The following ZFYVE9 variants were observed in gnomAD, a reference collection of about 807,000 sequenced individuals.
The protein encoded by ZFYVE9 is zinc finger FYVE-type containing 9.
A neutral mutation model predicts 126.7 loss-of-function variants in ZFYVE9; 43 were observed. The observed-to-expected ratio is 0.34, with a 90% CI of 0.27 to 0.44. The LOEUF (loss-of-function observed/expected upper bound fraction) is 0.44. Among genes scored for constraint, ZFYVE9 ranks in the 20% least tolerant of loss-of-function variants. The pLI, the probability that ZFYVE9 is intolerant of heterozygous loss-of-function variation, is 1.00. For synonymous variants in ZFYVE9, 521 were observed against 597.4 expected (o/e 0.87, Z 1.87); for missense variants, 1,476 against 1,697.0 (o/e 0.87, Z 2.29).
At chr1:52,311,799 A>ATT (rs562421659) in intron 13 of ZFYVE9, among the ~76,000 whole-genome samples, 1 of 147,480 alleles carries the variant, frequency 6.8e-6, no homozygotes, top group Non-Finnish European at 1.5e-5. Flanking sequence ...TTATTTATTT[A>ATT]TTTTTTTTTT....
chr1:52,344,631 A>G lies in ZFYVE9; in HGVS notation c.3940-137A>G, dbSNP rs112568845. 9.1e-3 allele frequency: 7,683 copies of G among 848,258 alleles called. 44 individuals carry two copies. The highest frequency in any genetic ancestry group is 0.012 in the Non-Finnish European group (6,899 of 563,282). 52.5% of individuals were successfully genotyped at this position (848,258 alleles called of 1,614,324 possible). ...ACAAATGCCCAACTTTTCCTGGACCAGGGACTTTATGGTGTCCTGTTCCTG... is the reference window on the plus strand; with the variant it reads ...ACAAATGCCCAACTTTTCCTGGACCGGGGACTTTATGGTGTCCTGTTCCTG... On this transcript the variant is annotated intron_variant, in intron 17 of 18. Coordinates refer to ENST00000287727, the MANE Select transcript of ZFYVE9 (RefSeq NM_004799.4).
chr1:52,268,047 A>T (rs1645651000), intron 6 of ZFYVE9, among the ~76,000 whole-genome samples: 4 of 152,192 alleles, frequency 2.6e-5, no homozygotes, highest in Admixed American at 2.0e-4. Context: ...ACTTTACCAG[A>T]TGTTTAATTT....
At chr1:52,165,459 T>C (rs1218456249) in intron 1 of ZFYVE9, among the ~76,000 whole-genome samples, 1 of 152,168 alleles carries the variant, frequency 6.6e-6, no homozygotes, top group Non-Finnish European at 1.5e-5. Context: ...GAGTTTTGTG[T>C]GTATACATGC....
intron 2 of ZFYVE9, among the ~76,000 whole-genome samples, chr1:52,231,422 G>A (rs976898926): frequency 1.3e-5 from 2 of 151,888 alleles, no homozygotes; most frequent in African/African-American, 2.4e-5. Flanking sequence ...GGAGGGTGAG[G>A]CAGGAGAATC....
chr1:52,324,253 AC>A (rs1646269469), intron 13 of ZFYVE9, among the ~76,000 whole-genome samples: 2 of 2,072 alleles, frequency 9.7e-4, no homozygotes, highest in Non-Finnish European at 8.5e-3. Context: ...TGTCTCAAAA[AC>A]ACACACACAC....
chr1:52,192,082 A>G (rs1184690430), intron 1 of ZFYVE9, among the ~76,000 whole-genome samples: 3 of 152,100 alleles, frequency 2.0e-5, no homozygotes, highest in African/African-American at 7.2e-5. Flanking sequence ...TTTAAGAGGA[A>G]GATACCCAAA....
At chr1:52,266,925 C>A in intron 6 of ZFYVE9, 94 bp downstream of exon 6, 1 of 1,219,756 alleles carries the variant, frequency 8.2e-7, no homozygotes, top group Non-Finnish European at 1.1e-6. Flanking sequence ...TTAAAAAACA[C>A]TGCAGATAAG....
chr1:52,194,348 T>C (rs1005629582), intron 1 of ZFYVE9, among the ~76,000 whole-genome samples: 1 of 152,082 alleles, frequency 6.6e-6, no homozygotes, highest in African/African-American at 2.4e-5. Context: ...ATTGGTGAAT[T>C]TGACTACATA....
At chr1:52,167,324 C>T (rs759274757) in intron 1 of ZFYVE9, among the ~76,000 whole-genome samples, 1 of 152,142 alleles carries the variant, frequency 6.6e-6, no homozygotes, top group African/African-American at 2.4e-5. Flanking sequence ...AAGAAAAATA[C>T]ATTTTAAGCT....
intron 1 of ZFYVE9, among the ~76,000 whole-genome samples, chr1:52,181,010 A>T (rs141589377): frequency 3.2e-3 from 485 of 149,848 alleles, no homozygotes; most frequent in Non-Finnish European, 5.7e-3. Context: ...AGAAATAATC[A>T]TTGCTGGAAA....
intron 13 of ZFYVE9, among the ~76,000 whole-genome samples, chr1:52,327,830 C>G (rs898524137): frequency 6.6e-6 from 1 of 150,914 alleles, no homozygotes; most frequent in South Asian, 2.1e-4. Context: ...AAAGAATTAG[C>G]CCGGGTGGTG....
At chr1:52,201,761 A>T (rs2983719) in intron 1 of ZFYVE9, among the ~76,000 whole-genome samples, 6,376 of 147,242 alleles carry the variant, frequency 0.043, 416 homozygotes, top group African/African-American at 0.13. Flanking sequence ...AGCAATTTTT[A>T]AAAAAAAAAT....
At chr1:52,175,627 C>T (rs1345792764) in intron 1 of ZFYVE9, among the ~76,000 whole-genome samples, 2 of 152,048 alleles carry the variant, frequency 1.3e-5, no homozygotes, top group African/African-American at 4.8e-5. Flanking sequence ...TTCTCCCCGT[C>T]ACTTTCAGGT....
intron 1 of ZFYVE9, among the ~76,000 whole-genome samples, chr1:52,174,754 T>C (rs921231690): frequency 2.0e-5 from 3 of 152,176 alleles, no homozygotes; most frequent in Non-Finnish European, 2.9e-5. Flanking sequence ...TTTACCATTA[T>C]GTAATGGCCT....
chr1:52,288,925 CAA>C (rs775138803), intron 10 of ZFYVE9, among the ~76,000 whole-genome samples: 6 of 62,034 alleles, frequency 9.7e-5, no homozygotes, highest in South Asian at 6.0e-4. Flanking sequence ...GACTCTGTCT[CAA>C]AAAAAAAAAA....
intron 1 of ZFYVE9, among the ~76,000 whole-genome samples, chr1:52,195,850 T>C (rs1056519662): frequency 1.4e-4 from 22 of 151,832 alleles, no homozygotes; most frequent in Non-Finnish European, 3.1e-4. Flanking sequence ...TGGAGTGCAG[T>C]GGCCCGATCT....
chr1:52,247,973 TAGTC>T (rs1464673631), intron 4 of ZFYVE9, among the ~76,000 whole-genome samples: 8 of 152,204 alleles, frequency 5.3e-5, no homozygotes, highest in Non-Finnish European at 1.0e-4. Context: ...TAGCATGTAT[TAGTC>T]AGAAGGACAG....
At chr1:52,310,156 A>T (rs1182318523) in intron 13 of ZFYVE9, among the ~76,000 whole-genome samples, 2 of 151,918 alleles carry the variant, frequency 1.3e-5, no homozygotes, top group African/African-American at 4.8e-5. Flanking sequence ...GTTAATAGGG[A>T]TGAGATTTCC....
At chr1:52,277,223 A>T (rs1645756667) in intron 8 of ZFYVE9, among the ~76,000 whole-genome samples, 1 of 150,626 alleles carries the variant, frequency 6.6e-6, no homozygotes, top group South Asian at 2.1e-4. Flanking sequence ...TTGTTAGTAA[A>T]ATTATCTATT....
Sources: allele counts gnomAD v4.1 joint callset (sites outside exome capture counted in the v4.1 genomes callset), GRCh38; gene constraint gnomAD v4.1.1; transcripts MANE v1.5; gene names NCBI Gene and HGNC (gene_info 2026-07-23, HGNC 2026-07-21).